The following GORASP2 variants were observed in gnomAD, a reference collection of about 807,000 sequenced individuals.
GORASP2 encodes golgi reassembly stacking protein 2.
GORASP2 carries 22 observed loss-of-function variants against 45.7 expected under a neutral mutation model. The observed-to-expected ratio is 0.48, with a 90% CI of 0.34 to 0.69. GORASP2 has a LOEUF of 0.69. Ranked by LOEUF, GORASP2 falls within the 30% of genes least tolerant of loss-of-function variation. The pLI is 0.01. For synonymous variants in GORASP2, 221 were observed against 215.6 expected, an observed-to-expected ratio of 1.02 and a Z score of -0.22; for missense variants, 491 against 562.7, an observed-to-expected ratio of 0.87 and a Z score of 1.29.
intron 1 of GORASP2, among the ~76,000 whole-genome samples, chr2:170,946,829 A>G (rs1384738232): frequency 6.6e-6 from 1 of 151,700 alleles, no homozygotes; most frequent in Non-Finnish European, 1.5e-5. Flanking sequence ...AATCCCAGCT[A>G]CTTGGGAGGC....
chr2:170,940,380 A>G (rs1704046990), intron 1 of GORASP2, among the ~76,000 whole-genome samples: 1 of 152,158 alleles, frequency 6.6e-6, no homozygotes, highest in Non-Finnish European at 1.5e-5. Context: ...CTCCACCCAA[A>G]CACTTCTTCC....
chr2:170,929,098 C>T (rs1413619935), upstream of GORASP2: 2 of 386,636 alleles, frequency 5.2e-6, no homozygotes, highest in Non-Finnish European at 9.2e-6. Context: ...GGCCCTCCCT[C>T]TCCGCCCTCC....
At chr2:170,954,592 C>T in intron 5 of GORASP2, 58 bp from the exon 6 acceptor site, 4 of 1,419,988 alleles carry the variant, frequency 2.8e-6, no homozygotes, top group Non-Finnish European at 3.9e-6. Context: ...AAAAAAAACA[C>T]CTCAAAGAAA....
chr2:170,963,266 G>A (rs1051795486), intron 9 of GORASP2, among the ~76,000 whole-genome samples: 5 of 151,182 alleles, frequency 3.3e-5, no homozygotes, highest in Non-Finnish European at 5.9e-5. Flanking sequence ...TCCCAGCTAC[G>A]CAGGAGGCTG....
intron 7 of GORASP2, among the ~76,000 whole-genome samples, chr2:170,958,262 G>A (rs1158700835): frequency 6.6e-6 from 1 of 152,056 alleles, no homozygotes; most frequent in East Asian, 1.9e-4. Flanking sequence ...CTTCTTTGCT[G>A]GTTTTCTTTT....
At chr2:170,958,953 AGCCACTGTGCCCG>A (rs1429739923) in intron 7 of GORASP2, among the ~76,000 whole-genome samples, 1 of 151,746 alleles carries the variant, frequency 6.6e-6, no homozygotes, top group Non-Finnish European at 1.5e-5. Context: ...TACAGGCGTG[AGCCACTGTGCCCG>A]GCCCTTTTTT....
intron 1 of GORASP2, among the ~76,000 whole-genome samples, chr2:170,945,513 AAAGAAG>A (rs1216860041): frequency 4.0e-5 from 6 of 148,676 alleles, no homozygotes; most frequent in African/African-American, 1.5e-4. Context: ...AAAAAAAAAA[AAAGAAG>A]AAGAAGAAGA....
chr2:170,963,470 T>TCCC (rs1251788180), intron 9 of GORASP2, among the ~76,000 whole-genome samples: 1,770 of 66,460 alleles, frequency 0.027, 70 homozygotes, highest in African/African-American at 0.097. Flanking sequence ...CTCCTCCTCC[T>TCCC]CCCCCTCCTC....
At chr2:170,949,787 G>T in intron 3 of GORASP2, 45 bp downstream of exon 3, 1 of 1,383,482 alleles carries the variant, frequency 7.2e-7, no homozygotes, top group Non-Finnish European at 1.0e-6. Context: ...ATGAAGCAGT[G>T]TGGAAAGATG....
At chr2:170,929,181 G>A, upstream of GORASP2, 1 of 492,992 alleles carries the variant, frequency 2.0e-6, no homozygotes, top group East Asian at 3.6e-5. Context: ...GCAGCGGCCC[G>A]GGCTGCAGCA....
At chr2:170,954,386 A>G in intron 5 of GORASP2, 1 of 335,946 alleles carries the variant, frequency 3.0e-6, no homozygotes, top group Non-Finnish European at 5.4e-6. Context: ...AATTCTTGAA[A>G]AATAAAGGAG....
upstream of GORASP2, chr2:170,929,238 C>T (rs1406117386): frequency 5.6e-6 from 5 of 886,466 alleles, no homozygotes; most frequent in Non-Finnish European, 7.6e-6. Flanking sequence ...CCGGCGGCAG[C>T]GAGTGCCACG....
chr2:170,954,599 G>A, intron 5 of GORASP2, 51 bp from the exon 6 acceptor site: 1 of 1,403,494 alleles, frequency 7.1e-7, no homozygotes, highest in Non-Finnish European at 9.9e-7. Flanking sequence ...ACACCTCAAA[G>A]AAATACAAGC....
At position 170,951,410 on chromosome 2, in the gene GORASP2, G is replaced by A. The variant is rs1027359457; in HGVS notation, c.518G>A (p.Cys173Tyr). The stretch of plus-strand genomic sequence containing the variant: ...GTGTACAACACAGACACTGATAACT[G>A]TCGAGAAGTGATTATTACACCAAAT... Reference protein sequence around the residue: ...LYVYNTDTDNCREVIITPNSA... With the variant: ...LYVYNTDTDNYREVIITPNSA... Residue 173 changes from cysteine (C) to tyrosine (Y), a missense_variant, in exon 5 of 10, where the codon TGT (cysteine) becomes TAT (tyrosine). This residue lies in a region of GORASP2 where 194 missense variants were observed against 270.4 expected (regional missense o/e 0.72). Transcript: ENST00000234160. 7 of 1,611,588 alleles carry A rather than the reference G, an allele frequency of 4.3e-6. No homozygotes were observed. In the African/African-American group the frequency reaches 6.7e-5, roughly 15 times the overall value.
chr2:170,929,210 G>C, upstream of GORASP2: 1 of 623,950 alleles, frequency 1.6e-6, no homozygotes, highest in Non-Finnish European at 2.4e-6. Context: ...CTCCCGGCGG[G>C]CTGTGCGGCC....
At chr2:170,931,808 C>T (rs1359059714) in intron 1 of GORASP2, among the ~76,000 whole-genome samples, 3 of 152,128 alleles carry the variant, frequency 2.0e-5, no homozygotes, top group African/African-American at 4.8e-5. Flanking sequence ...TTTATGTGTT[C>T]TGTATGTATG....
rs1704293806 is a variant in GORASP2, at chr2:170,951,319, C to T, written c.436-9C>T. 9 of 1,589,726 alleles carry T rather than the reference C, an allele frequency of 5.7e-6. No individual in the cohort carries two copies. Among genetic ancestry groups the T allele is most frequent in the Non-Finnish European group, 7.7e-6 (9 of 1,170,958 alleles). ...ACGTGAAACATTTTCTCCTGTGACA[C>T]TTTTGCAGTCTGAAGATCTATTCAG... On this transcript the variant is annotated splice_polypyrimidine_tract_variant and intron_variant, in intron 4 of 9. Coordinates refer to ENST00000234160, the MANE Select transcript of GORASP2 (RefSeq NM_015530.5).
intron 1 of GORASP2, among the ~76,000 whole-genome samples, chr2:170,933,667 T>A (rs371990997): frequency 6.6e-6 from 1 of 151,120 alleles, no homozygotes; most frequent in East Asian, 2.0e-4. Flanking sequence ...TATTATAGGA[T>A]CTGCTTTTAA....
At chr2:170,934,617 A>G (rs1362633050) in intron 1 of GORASP2, among the ~76,000 whole-genome samples, 5 of 152,140 alleles carry the variant, frequency 3.3e-5, no homozygotes, top group African/African-American at 4.8e-5. Flanking sequence ...TCTGGAAACA[A>G]TGGGTAAAAA....
Sources: allele counts gnomAD v4.1 joint callset (sites outside exome capture counted in the v4.1 genomes callset), GRCh38; gene constraint gnomAD v4.1.1; regional missense constraint gnomAD v4.1.1; transcripts MANE v1.5; gene names NCBI Gene and HGNC (gene_info 2026-07-23, HGNC 2026-07-21).